Variants in RBCK1 observed in about 807,000 individuals in gnomAD.
The protein encoded by RBCK1 is RANBP2-type and C3HC4-type zinc finger containing 1.
Under a neutral mutation model 71.1 loss-of-function variants are expected in RBCK1, and 44 were observed. The observed-to-expected ratio is 0.62, with a 90% CI of 0.49 to 0.80. RBCK1 has a LOEUF of 0.80. Among genes scored for constraint, RBCK1 ranks in the 30% least tolerant of loss-of-function variants. RBCK1 has a pLI of 0.00. For missense variants in RBCK1, 569 were observed against 685.0 expected, an observed-to-expected ratio of 0.83 and a Z score of 1.89; for synonymous variants, 306 against 279.7, an observed-to-expected ratio of 1.09 and a Z score of -0.94.
chr20:426,089 G>T (rs1309093616), intron 8 of RBCK1, among the ~76,000 whole-genome samples: 2 of 152,058 alleles, frequency 1.3e-5, no homozygotes, highest in Non-Finnish European at 2.9e-5. Context: ...ATTTTTGCGG[G>T]TACATAGTTG....
At chr20:416,486 T>C (rs1007709485) in intron 2 of RBCK1, among the ~76,000 whole-genome samples, 3 of 152,198 alleles carry the variant, frequency 2.0e-5, no homozygotes, top group Admixed American at 1.3e-4. Context: ...GGTTGCTTCA[T>C]GCCTTTCCTT....
chr20:414,587 T>C (rs1011711919), intron 2 of RBCK1, among the ~76,000 whole-genome samples: 1 of 152,228 alleles, frequency 6.6e-6, no homozygotes. Context: ...TTTTTGTTGA[T>C]AGTGTTAAGA....
intron 11 of RBCK1, among the ~76,000 whole-genome samples, chr20:429,571 A>G (rs1227561564): frequency 6.6e-6 from 1 of 152,160 alleles, no homozygotes. Context: ...CCAGAAGATG[A>G]CTATTTTGTG....
rs150646962 is a variant in RBCK1 at position 428,653 on chromosome 20, G to A, written c.1308+64G>A. On this transcript the variant is annotated intron_variant, in intron 10 of 11. Transcript: ENST00000356286. This position sits in a 1 kb window ranked among gnomAD's most constrained non-coding sequence, Gnocchi z 5.7. ...TTCTGGGATCCAGGTGGGGGCTGGG[G>A]GCTTCCCAGTAAGGGCTGTGCTCAC... The A allele has an allele frequency of 2.5e-4, 375 of 1,493,730 alleles. 1 individual carries two copies. The African/African-American group carries it at 4.5e-3, about 18-fold the overall frequency. 92.5% of individuals were successfully genotyped at this position (1,493,730 alleles called of 1,614,324 possible).
intron 2 of RBCK1, among the ~76,000 whole-genome samples, chr20:415,815 T>C (rs2015949367): frequency 6.6e-6 from 1 of 152,222 alleles, no homozygotes; most frequent in African/African-American, 2.4e-5. Flanking sequence ...TGGGGAGGCC[T>C]CAGTGAACTT....
chr20:416,322 A>T lies in RBCK1; in HGVS notation c.168-1204A>T, dbSNP rs951375450. ...AGGCGCCCGCCACCGTGCCTGGCTAATTTTTTTTTTTGTATTTTTAGTAGA... is the reference window on the plus strand; with the variant it reads ...AGGCGCCCGCCACCGTGCCTGGCTATTTTTTTTTTTTGTATTTTTAGTAGA... On this transcript the variant is annotated intron_variant, in intron 2 of 11. Coordinates refer to ENST00000356286, the MANE Select transcript of RBCK1 (RefSeq NM_031229.4). Among the ~76,000 whole-genome samples, 26 of 146,850 alleles carry T rather than the reference A, an allele frequency of 1.8e-4. 1 individual carries two copies. Among genetic ancestry groups the T allele is most frequent in the African/African-American group, 5.5e-4 (22 of 40,064 alleles).
At chr20:412,314 A>G (rs886173059) in intron 2 of RBCK1, among the ~76,000 whole-genome samples, 3 of 150,678 alleles carry the variant, frequency 2.0e-5, no homozygotes, top group African/African-American at 7.4e-5. Flanking sequence ...CCATTTTAAA[A>G]TTGGGTTTAT....
At chr20:420,849 T>G (rs1227855936) in intron 6 of RBCK1, 22 bp from the exon 7 acceptor site, 2 of 1,530,138 alleles carry the variant, frequency 1.3e-6, no homozygotes, top group Non-Finnish European at 8.8e-7. Flanking sequence ...ACCCGCCCCG[T>G]GGCCCCGCCC....
intron 2 of RBCK1, among the ~76,000 whole-genome samples, chr20:414,497 G>C (rs1012205654): frequency 1.3e-5 from 2 of 152,218 alleles, no homozygotes; most frequent in Admixed American, 6.5e-5. Context: ...TTTAAGCTTT[G>C]TCTGCAGCTG....
chr20:419,314 G>C, intron 4 of RBCK1, 33 bp from the exon 5 acceptor site: 1 of 1,610,832 alleles, frequency 6.2e-7, no homozygotes, highest in Non-Finnish European at 8.5e-7. Context: ...AGTGGGCCGC[G>C]TGGAACCACC....
At chr20:413,503 C>CT (rs1380635595) in intron 2 of RBCK1, among the ~76,000 whole-genome samples, 1 of 152,172 alleles carries the variant, frequency 6.6e-6, no homozygotes, top group Non-Finnish European at 1.5e-5. Flanking sequence ...CTTTTCCTTA[C>CT]TTTTTTTGTT....
intron 8 of RBCK1, among the ~76,000 whole-genome samples, chr20:423,940 G>C (rs1389017798): frequency 6.6e-6 from 1 of 152,184 alleles, no homozygotes; most frequent in Non-Finnish European, 1.5e-5. Context: ...TCATGTCATG[G>C]TGGTCTCAAG....
At chr20:412,458 T>C (rs550001016) in intron 2 of RBCK1, among the ~76,000 whole-genome samples, 10 of 152,246 alleles carry the variant, frequency 6.6e-5, no homozygotes, top group Non-Finnish European at 8.8e-5. Flanking sequence ...GTAGCTGGAT[T>C]ACAGGTGCCC....
rs1568558075 is a variant in RBCK1 at position 419,709 on chromosome 20, A to AGGC, written c.736_738dup (p.Ala246dup). On this transcript the variant is annotated inframe_insertion, in exon 6 of 12. Coordinates refer to ENST00000356286, the MANE Select transcript of RBCK1 (RefSeq NM_031229.4). The stretch of plus-strand genomic sequence containing the variant: ...CGAGCGCGCCTGGCGGGCGAGGAGG[A>AGGC]GGCGCTGCGTCAGTACCAGCAGGTG... 2 of 1,565,170 alleles carry AGGC rather than the reference A, an allele frequency of 1.3e-6. No individual in the cohort carries two copies. Among genetic ancestry groups the AGGC allele is most frequent in the African/African-American group, 1.3e-5 (1 of 74,074 alleles).
In RBCK1 at chr20:409,715, C is replaced by G. The variant is rs528716290; in HGVS notation, c.23-166C>G. On this transcript the variant is annotated intron_variant, in intron 1 of 11. Coordinates refer to ENST00000356286, the MANE Select transcript of RBCK1 (RefSeq NM_031229.4). Reference sequence around the variant, plus strand: ...GAGTGGGGAATATTAGAGAACCCCTCCCGGAGAAAGGGACTTTTAGTCTGG... The same window carrying G: ...GAGTGGGGAATATTAGAGAACCCCTGCCGGAGAAAGGGACTTTTAGTCTGG... The G allele has an allele frequency of 8.4e-6, 9 of 1,066,104 alleles. No individual in the cohort carries two copies. In the East Asian group the frequency reaches 1.2e-4, roughly 15 times the overall value. 66.0% of individuals were successfully genotyped at this position (1,066,104 alleles called of 1,614,324 possible).
chr20:427,178 G>GGATT, intron 8 of RBCK1, 135 bp from the exon 9 acceptor site: 1 of 772,650 alleles, frequency 1.3e-6, no homozygotes, highest in African/African-American at 1.8e-5. Flanking sequence ...AACACTATGA[G>GGATT]GATTACATGA....
rs753350673 is a variant in RBCK1, at chr20:430,435, A to C, written c.*5A>C. On this transcript the variant is annotated 3_prime_UTR_variant, in exon 12 of 12. Transcript: ENST00000356286. This position sits in a 1 kb window ranked among gnomAD's most constrained non-coding sequence, Gnocchi z 5.6. ...AGCTGTCAGAACTGCCACTGAGCTA[A>C]AGATGGTGGGGCCACATGCTGACCC... 8.1e-6 allele frequency: 13 copies of C among 1,607,284 alleles called. No individual in the cohort carries two copies. In the South Asian group the frequency reaches 1.4e-4, roughly 18 times the overall value.
intron 1 of RBCK1, 126 bp from the exon 2 acceptor site, chr20:409,755 G>A (rs988228500): frequency 9.8e-6 from 14 of 1,425,996 alleles, no homozygotes; most frequent in East Asian, 2.3e-5. Context: ...TGAAGGATAC[G>A]TAGGAGTTCA....
chr20:417,476 G>A lies in RBCK1; in HGVS notation c.168-50G>A, dbSNP rs533282339. 9.0e-6 allele frequency: 14 copies of A among 1,561,856 alleles called. No homozygotes were observed. The African/African-American group carries it at 1.4e-4, about 15-fold the overall frequency. ...GTACATGTCTGTAGCCGGTGGCTGA[G>A]GCTGGACCCCTGGCCAGAGCCCATG... On this transcript the variant is annotated intron_variant, in intron 2 of 11. Transcript: ENST00000356286. The surrounding 1 kb of genome is among the most constrained non-coding windows in gnomAD (Gnocchi z 4.7).
Sources: gnomAD v4.1 joint callset for allele counts (sites outside exome capture counted in the v4.1 genomes callset) on GRCh38, gnomAD v4.1.1 for gene constraint, Gnocchi (gnomAD v3.1) non-coding constraint, MANE v1.5 for transcripts, NCBI Gene and HGNC (gene_info 2026-07-23, HGNC 2026-07-21) for gene names.